Variants in PEX5 observed in about 807,000 individuals in gnomAD.
The protein encoded by PEX5 is peroxisomal biogenesis factor 5.
PEX5 carries 52 observed loss-of-function variants against 82.9 expected under a neutral mutation model. The observed-to-expected ratio is 0.63, with a 90% confidence interval of 0.50 to 0.79. The LOEUF is 0.79. Among genes scored for constraint, PEX5 ranks in the 30% least tolerant of loss-of-function variants. The pLI is 0.00. For missense variants in PEX5, 719 were observed against 815.2 expected (o/e 0.88, Z 1.44); for synonymous variants, 300 against 318.8 (o/e 0.94, Z 0.63).
At chr12:7,207,506 C>T (rs945502185) in intron 10 of PEX5, among the ~76,000 whole-genome samples, 153 bp from the exon 11 acceptor site, 1 of 152,172 alleles carries the variant, frequency 6.6e-6, no homozygotes, top group Non-Finnish European at 1.5e-5. Context: ...TTGTGTCATA[C>T]ATGATCTTTA....
At position 7,210,161 on chromosome 12, in the gene PEX5, T is replaced by C. The variant is rs141242661; in HGVS notation, c.1858T>C (p.Tyr620His). 6.8e-6 allele frequency: 11 copies of C among 1,614,078 alleles called. No individual in the cohort carries two copies. The African/African-American group carries it at 1.1e-4, about 16-fold the overall frequency. ...ALSMLGQSDA[Y>H]GAADARDLST... ...GTCTATGTTAGGCCAGAGCGATGCC[T>C]ATGGGGCAGCCGACGCGCGGGATCT... is the stretch of plus-strand genomic sequence containing the variant. The change falls in exon 16 of 16, where the codon TAT (tyrosine) becomes CAT (histidine). Residue 620 changes from tyrosine (Y) to histidine (H), a missense_variant. Coordinates refer to ENST00000675855, the MANE Select transcript of PEX5 (RefSeq NM_001351132.2).
intron 8 of PEX5, 116 bp from the exon 9 acceptor site, chr12:7,202,496 T>C (rs900102735): frequency 1.4e-6 from 2 of 1,398,606 alleles, no homozygotes; most frequent in Non-Finnish European, 2.0e-6. Context: ...GGAAAGAGAT[T>C]CTGAGAATGA....
chr12:7,209,244 G>A, intron 14 of PEX5, 74 bp downstream of exon 14: 1 of 1,454,784 alleles, frequency 6.9e-7, no homozygotes, highest in Non-Finnish European at 9.6e-7. Context: ...GGGAAGCTGG[G>A]TTTGATGGTG....
chr12:7,215,024 G>T, downstream of PEX5, among the ~76,000 whole-genome samples: 1 of 152,072 alleles, frequency 6.6e-6, no homozygotes, highest in East Asian at 1.9e-4. Context: ...ATGCATTTGG[G>T]TGACTTTGTA....
intron 5 of PEX5, among the ~76,000 whole-genome samples, chr12:7,192,914 C>G (rs138923123): frequency 6.6e-6 from 1 of 152,154 alleles, no homozygotes; most frequent in African/African-American, 2.4e-5. Flanking sequence ...TGGGCTTCTC[C>G]GCACACAAGA....
chr12:7,208,832 G>A (rs1945152221), intron 13 of PEX5, among the ~76,000 whole-genome samples, 163 bp downstream of exon 13: 2 of 152,174 alleles, frequency 1.3e-5, no homozygotes, highest in African/African-American at 4.8e-5. Flanking sequence ...CTACAGTTCA[G>A]TGCTAGGATG....
chr12:7,201,123 GCATGTGTGCGTGCACACACA>G (rs1396905155), intron 6 of PEX5, among the ~76,000 whole-genome samples: 2 of 146,480 alleles, frequency 1.4e-5, no homozygotes, highest in Non-Finnish European at 3.0e-5. Context: ...AAAAGCGCAT[GCATGTGTGCGTGCACACACA>G]CACACGCACA....
downstream of PEX5, among the ~76,000 whole-genome samples, chr12:7,213,421 C>T (rs756719313): frequency 8.5e-3 from 976 of 115,004 alleles, 10 homozygotes; most frequent in African/African-American, 0.032. Flanking sequence ...TCAGAAATAA[C>T]ACCGCATATC....
intron 5 of PEX5, among the ~76,000 whole-genome samples, chr12:7,197,413 TGTAATTATATGTCATATAC>T (rs1156766632): frequency 3.0e-4 from 18 of 60,960 alleles, no homozygotes; most frequent in South Asian, 1.6e-3. Context: ...TCATATACAA[TGTAATTATATGTCATATAC>T]AATGTAATTA....
chr12:7,205,074 T>C (rs1944592838), intron 10 of PEX5, among the ~76,000 whole-genome samples: 2 of 152,224 alleles, frequency 1.3e-5, no homozygotes, highest in African/African-American at 4.8e-5. Flanking sequence ...GTAAAATGCC[T>C]AGAAGAAAAC....
chr12:7,206,644 T>C (rs761408695), intron 10 of PEX5, among the ~76,000 whole-genome samples: 10 of 152,354 alleles, frequency 6.6e-5, no homozygotes, highest in African/African-American at 2.4e-4. Context: ...TGACAAATAA[T>C]TTGCATCTGA....
At chr12:7,189,116 G>A (rs1591634051), upstream of PEX5, 1 of 152,236 alleles carries the variant, frequency 6.6e-6, no homozygotes, top group Non-Finnish European at 1.5e-5. Flanking sequence ...ATGCAGAGGT[G>A]GAGAGGGATT....
At position 7,190,372 on chromosome 12, in the gene PEX5, G is replaced by A. The variant is rs1940784876; in HGVS notation, c.-6G>A. On this transcript the variant is annotated 5_prime_UTR_variant, in exon 2 of 16. Transcript: ENST00000675855. ...TCCTGTGTCCATCAGAGAGCTGGCG[G>A]TCACCATGGCAATGCGGGAGCTGGT... is the stretch of plus-strand genomic sequence containing the variant. 3 of 1,614,082 alleles carry A rather than the reference G, an allele frequency of 1.9e-6. No homozygotes were observed. The highest frequency in any genetic ancestry group is 2.2e-5 in the South Asian group (2 of 91,096).
intron 15 of PEX5, 48 bp downstream of exon 15, chr12:7,209,888 C>T: frequency 1.2e-6 from 2 of 1,610,764 alleles, no homozygotes; most frequent in Non-Finnish European, 1.7e-6. Flanking sequence ...TTCTCCCTGC[C>T]TTTGGCCCTA....
chr12:7,190,491 C>T lies in PEX5; in HGVS notation c.114C>T (p.Gly38=), dbSNP rs1275188316. ...KALRQEGLRP[G]PWPPGAPASE... ...TTCGGCAGGAGGGATTGAGGCCTGG[C>T]CCCTGGCCCCCCGGAGCCCCGGCCT... The change falls in exon 2 of 16, where the codon GGC becomes GGT. Residue 38 remains glycine, a synonymous_variant. Transcript: ENST00000675855. 1.2e-6 allele frequency: 2 copies of T among 1,613,618 alleles called. No individual in the cohort carries two copies. Among genetic ancestry groups the T allele is most frequent in the African/African-American group, 1.3e-5 (1 of 74,898 alleles).
intron 5 of PEX5, among the ~76,000 whole-genome samples, chr12:7,195,237 G>C (rs1483878222): frequency 1.3e-5 from 2 of 152,124 alleles, no homozygotes; most frequent in Admixed American, 1.3e-4. Context: ...CATTTTGAGT[G>C]GGGTATTTGG....
At position 7,210,297 on chromosome 12, in the gene PEX5, T is replaced by C; in HGVS notation, c.*74T>C. 6.9e-7 allele frequency: 1 copy of C among 1,453,034 alleles called. No individual in the cohort carries two copies. The highest frequency in any genetic ancestry group is 9.6e-7 in the Non-Finnish European group (1 of 1,039,304). The allele number at this position is 1,453,034 out of a possible 1,614,324, so 90.0% of individuals were successfully genotyped here. On this transcript the variant is annotated 3_prime_UTR_variant, in exon 16 of 16. Transcript: ENST00000675855. ...TTGGATGTGATTCCCTCTCCCCAAA[T>C]GGGCCTACCAAGGGGGCGGGCTGAT...
At chr12:7,212,499 A>C (rs11044615), downstream of PEX5, among the ~76,000 whole-genome samples, 4 of 9,828 alleles carry the variant, frequency 4.1e-4, no homozygotes, top group South Asian at 5.4e-3. Flanking sequence ...CCCAAAAAAC[A>C]AAAAAAACAG....
Position 7,189,713 on chromosome 12 carries a change from C to T in PEX5, c.-54C>T, listed in dbSNP as rs1028026591. 5.2e-6 allele frequency: 2 copies of T among 382,644 alleles called. No homozygotes were observed. Among genetic ancestry groups the T allele is most frequent in the Non-Finnish European group, 4.6e-6 (1 of 219,604 alleles). The allele number at this position is 382,644 out of a possible 1,614,324, so 23.7% of individuals were successfully genotyped here. Reference sequence around the variant, plus strand: ...CTTCTCCCCTCCCCCAAGCCAGCACCTGGTGCCCCGGCGGGTCGTGCGGCG... The same window carrying T: ...CTTCTCCCCTCCCCCAAGCCAGCACTTGGTGCCCCGGCGGGTCGTGCGGCG... On this transcript the variant is annotated 5_prime_UTR_variant, in exon 1 of 16. Coordinates refer to ENST00000675855, the MANE Select transcript of PEX5 (RefSeq NM_001351132.2).
Sources: allele counts gnomAD v4.1 joint callset (sites outside exome capture counted in the v4.1 genomes callset), GRCh38; gene constraint gnomAD v4.1.1; transcripts MANE v1.5; gene names NCBI Gene and HGNC (gene_info 2026-07-23, HGNC 2026-07-21).